The following OGFOD3 variants were observed in gnomAD, a reference collection of about 807,000 sequenced individuals.
OGFOD3 encodes 2-oxoglutarate and iron dependent oxygenase domain containing 3, also known as 2-oxoglutarate and iron-dependent oxygenase domain-containing protein 3.
Under a neutral mutation model 39.8 loss-of-function variants are expected in OGFOD3, and 35 were observed. That is an observed-to-expected ratio of 0.88 (90% CI 0.67 to 1.17). The LOEUF (loss-of-function observed/expected upper bound fraction) is 1.17. OGFOD3 is among the 50% of genes most tolerant of loss of function. OGFOD3 has a pLI of 0.00. For synonymous variants in OGFOD3, 200 were observed against 192.0 expected (o/e 1.04, Z -0.34); for missense variants, 438 against 454.5 (o/e 0.96, Z 0.33).
chr17:82,400,369 G>A lies in OGFOD3; in HGVS notation c.700-2050C>T, dbSNP rs974495233. Among the ~76,000 whole-genome samples the A allele has an allele frequency of 2.5e-4, 38 of 152,168 alleles. 4 individuals carry two copies. The highest frequency in any genetic ancestry group is 1.8e-3 in the Admixed American group (28 of 15,276). On this transcript the variant is annotated intron_variant, in intron 7 of 8. Transcript: ENST00000313056. ...CTGGGGAGACCAGAGTAAGACAGAC[G>A]TCAAGTGAGCAAAGCCGCGTGCGGA...
chr17:82,403,633 C>T (rs928759040), intron 7 of OGFOD3, among the ~76,000 whole-genome samples: 1 of 152,124 alleles, frequency 6.6e-6, no homozygotes, highest in Admixed American at 6.6e-5. Flanking sequence ...TCTGTCTCAA[C>T]CAATCAATCC....
chr17:82,399,384 C>T (rs2052727326), intron 7 of OGFOD3, among the ~76,000 whole-genome samples: 4 of 152,314 alleles, frequency 2.6e-5, no homozygotes, highest in Admixed American at 2.0e-4. Context: ...ACGTGGGAAC[C>T]AGAGGCAGCG....
Position 82,392,136 on chromosome 17 carries a change from G to T in OGFOD3, c.*262C>A. The T allele has an allele frequency of 1.9e-6, 1 of 532,252 alleles. No homozygotes were observed. The highest frequency in any genetic ancestry group is 3.3e-6 in the Non-Finnish European group (1 of 299,274). The allele number at this position is 532,252 out of a possible 1,614,324, so 33.0% of individuals were successfully genotyped here. A position where few individuals can be genotyped will look rare whatever the true frequency, so the allele number is the denominator to read the frequency against. On this transcript the variant is annotated 3_prime_UTR_variant, in exon 9 of 9. Transcript: ENST00000313056. This position sits in a 1 kb window ranked among gnomAD's most constrained non-coding sequence, Gnocchi z 4.2. ...CGTCCATTCACAGATGGGGACTTGT[G>T]CCCCGTCCTGCTGGGTCCCTTTCCT...
In OGFOD3 at chr17:82,411,518, C is replaced by CG; in HGVS notation, c.316dup (p.Arg106ProfsTer25). 2 of 1,614,082 alleles carry CG rather than the reference C, an allele frequency of 1.2e-6. No individual in the cohort carries two copies. Among genetic ancestry groups the CG allele is most frequent in the Non-Finnish European group, 1.7e-6 (2 of 1,180,002 alleles). On this transcript the variant is annotated frameshift_variant, in exon 3 of 9. Coordinates refer to ENST00000313056, the MANE Select transcript of OGFOD3 (RefSeq NM_024648.3). LOFTEE classifies it high-confidence loss of function. ...ATCGGTGACACCTCTGCCGCACTTTCGGGGAGTGCAGCCTGTGAAGGGACA... is the reference window on the plus strand; with the variant it reads ...ATCGGTGACACCTCTGCCGCACTTTCGGGGGAGTGCAGCCTGTGAAGGGACA...
intron 7 of OGFOD3, 59 bp from the exon 8 acceptor site, chr17:82,398,378 G>A: frequency 1.3e-6 from 2 of 1,596,844 alleles, no homozygotes; most frequent in East Asian, 2.2e-5. Flanking sequence ...ACCAGGGCAG[G>A]TGCTGCTTCT....
At chr17:82,410,585 C>T (rs1019453957) in intron 3 of OGFOD3, among the ~76,000 whole-genome samples, 4 of 152,140 alleles carry the variant, frequency 2.6e-5, no homozygotes, top group African/African-American at 4.8e-5. Flanking sequence ...CCCCCAGAGG[C>T]GGCCACAACC....
chr17:82,401,802 T>TAAA (rs1158161979), intron 7 of OGFOD3, among the ~76,000 whole-genome samples: 3 of 34,294 alleles, frequency 8.7e-5, no homozygotes, highest in Non-Finnish European at 1.5e-4. Flanking sequence ...AGACTCCATC[T>TAAA]CAAAAAAAAA....
At chr17:82,414,581 C>T (rs2053002836) in intron 2 of OGFOD3, among the ~76,000 whole-genome samples, 2 of 152,242 alleles carry the variant, frequency 1.3e-5, no homozygotes, top group Admixed American at 6.5e-5. Context: ...CACAACAACA[C>T]ACAACAGAAA....
Position 82,418,544 on chromosome 17 carries a change from C to T in OGFOD3, c.-59G>A. On this transcript the variant is annotated 5_prime_UTR_variant, in exon 1 of 9. Transcript: ENST00000313056. ...GGGCGCCAGGCCCGGGGACGAACGC[C>T]GTAACAGGGAGCGCGAGGCAGGCAC... The T allele has an allele frequency of 4.0e-6, 4 of 992,718 alleles. No individual in the cohort carries two copies. Among genetic ancestry groups the T allele is most frequent in the South Asian group, 5.6e-5 (2 of 35,936 alleles). The allele number at this position is 992,718 out of a possible 1,614,324, so 61.5% of individuals were successfully genotyped here. A position where few individuals can be genotyped will look rare whatever the true frequency, so the allele number is the denominator to read the frequency against.
chr17:82,400,703 T>C (rs2143221718), intron 7 of OGFOD3: 1 of 152,268 alleles, frequency 6.6e-6, no homozygotes, highest in Admixed American at 6.5e-5. Flanking sequence ...TATTCAAATA[T>C]TCAAATTTTG....
chr17:82,397,627 G>A (rs1428541194), intron 8 of OGFOD3, among the ~76,000 whole-genome samples: 1 of 152,150 alleles, frequency 6.6e-6, no homozygotes, highest in Admixed American at 6.5e-5. Context: ...AGGAGCAGAG[G>A]ATGACTGTCC....
Position 82,403,866 on chromosome 17 carries a change from G to A in OGFOD3, c.699+71C>T, listed in dbSNP as rs537498433. 3,529 of 1,516,956 alleles carry A rather than the reference G, an allele frequency of 2.3e-3. 99 individuals are homozygous for A. In the South Asian group the frequency reaches 0.04, roughly 17 times the overall value. 94.0% of individuals were successfully genotyped at this position (1,516,956 alleles called of 1,614,324 possible). The stretch of plus-strand genomic sequence containing the variant: ...GAGCGCGCTCACCCTGCCCACGTGC[G>A]CACTCACCGTGCCCACGGGCACGCT... On this transcript the variant is annotated intron_variant, in intron 7 of 8. Transcript: ENST00000313056.
At chr17:82,394,430 G>T in intron 8 of OGFOD3, 1 of 1,613,454 alleles carries the variant, frequency 6.2e-7, no homozygotes, top group Non-Finnish European at 8.5e-7. Context: ...CTCTCGGGCG[G>T]GTGGTGAGTC....
rs1361948785 is a variant in OGFOD3 at position 82,392,653 on chromosome 17, GCTGGAGAAATTGCCC to G, written c.824-134_824-120del. On this transcript the variant is annotated intron_variant, in intron 8 of 8. Coordinates refer to ENST00000313056, the MANE Select transcript of OGFOD3 (RefSeq NM_024648.3). This position sits in a 1 kb window ranked among gnomAD's most constrained non-coding sequence, Gnocchi z 4.2. ...CCAATCAACACAACCAACCAGGCAGGCTGGAGAAATTGCCCCTCTGGGAACTGCTTCTGCAGGAAG... is the reference window on the plus strand; with the variant it reads ...CCAATCAACACAACCAACCAGGCAGGCTCTGGGAACTGCTTCTGCAGGAAG... 1 of 1,247,302 alleles carries G rather than the reference GCTGGAGAAATTGCCC, an allele frequency of 8.0e-7. No homozygotes were observed. The highest frequency in any genetic ancestry group is 1.5e-5 in the African/African-American group (1 of 65,708). The allele number at this position is 1,247,302 out of a possible 1,614,324, so 77.3% of individuals were successfully genotyped here. A position where few individuals can be genotyped will look rare whatever the true frequency, so the allele number is the denominator to read the frequency against.
In OGFOD3 at chr17:82,409,358, T is replaced by C; in HGVS notation, c.423+10A>G. The C allele has an allele frequency of 6.2e-7, 1 of 1,613,650 alleles. No individual in the cohort carries two copies. Among genetic ancestry groups the C allele is most frequent in the Non-Finnish European group, 8.5e-7 (1 of 1,179,666 alleles). On this transcript the variant is annotated intron_variant, in intron 4 of 8. Coordinates refer to ENST00000313056, the MANE Select transcript of OGFOD3 (RefSeq NM_024648.3). ...TAAAAAAAGGGGGGCAGGGACTACATTCAACTCACCCCTCCGTCAGATCCT... is the reference window on the plus strand; with the variant it reads ...TAAAAAAAGGGGGGCAGGGACTACACTCAACTCACCCCTCCGTCAGATCCT...
At position 82,401,822 on chromosome 17, in the gene OGFOD3, A is replaced by AAAAAAAAAAAAAAAAAAAAAAAAC. The variant is rs2052771225; in HGVS notation, c.699+2114_699+2115insGTTTTTTTTTTTTTTTTTTTTTTT. Among the ~76,000 whole-genome samples the AAAAAAAAAAAAAAAAAAAAAAAAC allele has an allele frequency of 4.1e-5, 6 of 144,810 alleles. No individual in the cohort carries two copies. In the South Asian group the frequency reaches 1.4e-3, roughly 34 times the overall value. On this transcript the variant is annotated intron_variant, in intron 7 of 8. Coordinates refer to ENST00000313056, the MANE Select transcript of OGFOD3 (RefSeq NM_024648.3). The stretch of plus-strand genomic sequence containing the variant: ...CCATCTCAAAAAAAAAAAAAAAAAA[A>AAAAAAAAAAAAAAAAAAAAAAAAC]ACAAAGACTGCCCTTGAAGAATAAT...
At position 82,392,740 on chromosome 17, in the gene OGFOD3, G is replaced by A. The variant is rs368865466; in HGVS notation, c.824-206C>T. ...CAGCAATGCTCAGGGGCCCTGTGGCGGAGGAGGGGCCCCCCGGGGCCAGCA... is the reference window on the plus strand; with the variant it reads ...CAGCAATGCTCAGGGGCCCTGTGGCAGAGGAGGGGCCCCCCGGGGCCAGCA... On this transcript the variant is annotated intron_variant, in intron 8 of 8. Coordinates refer to ENST00000313056, the MANE Select transcript of OGFOD3 (RefSeq NM_024648.3). The surrounding 1 kb of genome is among the most constrained non-coding windows in gnomAD (Gnocchi z 4.2). The A allele has an allele frequency of 4.9e-5, 32 of 654,158 alleles. No individual in the cohort carries two copies. Among genetic ancestry groups the A allele is most frequent in the South Asian group, 8.3e-5 (4 of 48,220 alleles). 40.5% of individuals were successfully genotyped at this position (654,158 alleles called of 1,614,324 possible). A position where few individuals can be genotyped will look rare whatever the true frequency, so the allele number is the denominator to read the frequency against.
rs192789018 is a variant in OGFOD3, at chr17:82,397,909, T to A, written c.823+287A>T. Among the ~76,000 whole-genome samples the A allele has an allele frequency of 4.5e-3, 679 of 151,888 alleles. 2 individuals carry two copies. The highest frequency in any genetic ancestry group is 0.015 in the African/African-American group (617 of 41,376). The stretch of plus-strand genomic sequence containing the variant: ...GGGAGGGAGACCCTGACCGCCAAGG[T>A]GACACACACCAGGGAGGGAAATGGA... On this transcript the variant is annotated intron_variant, in intron 8 of 8. Coordinates refer to ENST00000313056, the MANE Select transcript of OGFOD3 (RefSeq NM_024648.3).
In OGFOD3 at chr17:82,406,586, A is replaced by G; in HGVS notation, c.424-104T>C. The G allele has an allele frequency of 1.1e-6, 1 of 936,856 alleles. No homozygotes were observed. The highest frequency in any genetic ancestry group is 1.7e-6 in the Non-Finnish European group (1 of 580,420). 58.0% of individuals were successfully genotyped at this position (936,856 alleles called of 1,614,324 possible). The stretch of plus-strand genomic sequence containing the variant: ...AGTTTCCAAGGTCTGGCCAGCACAC[A>G]CCTCAGGTGTTTTTTTGTTTTTGTT... On this transcript the variant is annotated intron_variant, in intron 4 of 8. Transcript: ENST00000313056. The surrounding 1 kb of genome is among the most constrained non-coding windows in gnomAD (Gnocchi z 5.2).
Sources: allele counts gnomAD v4.1 joint callset (sites outside exome capture counted in the v4.1 genomes callset), GRCh38; gene constraint gnomAD v4.1.1; non-coding constraint Gnocchi (gnomAD v3.1); transcripts MANE v1.5; gene names NCBI Gene and HGNC (gene_info 2026-07-23, HGNC 2026-07-21).